The following CMYA5 variants were observed in gnomAD, a reference collection of about 807,000 sequenced individuals.
CMYA5 encodes the protein cardiomyopathy associated 5.
In CMYA5, 246 loss-of-function variants were observed where a neutral mutation model predicts 318.9. The observed-to-expected ratio is 0.77, with a 90% CI of 0.70 to 0.86. The LOEUF (loss-of-function observed/expected upper bound fraction) is 0.86, where lower values mean the gene tolerates loss of function less well. Ranked by LOEUF, CMYA5 falls within the 40% of genes least tolerant of loss-of-function variation. The pLI, the probability that CMYA5 is intolerant of heterozygous loss-of-function variation, is 0.00. For missense variants in CMYA5, 4,589 were observed against 4,678.2 expected, an observed-to-expected ratio of 0.98 and a Z score of 0.56; for synonymous variants, 1,641 against 1,729.5, an observed-to-expected ratio of 0.95 and a Z score of 1.27.
At chr5:79,723,332 G>T (rs147500202) in intron 1 of CMYA5, among the ~76,000 whole-genome samples, 2 of 151,844 alleles carry the variant, frequency 1.3e-5, no homozygotes, top group Admixed American at 1.3e-4. Flanking sequence ...CCAGCTACTC[G>T]GGAGGCTGAG....
Position 79,734,574 on chromosome 5 carries a change from G to A in CMYA5, c.5809G>A (p.Asp1937Asn), listed in dbSNP as rs539275731. The A allele has an allele frequency of 6.3e-5, 101 of 1,613,886 alleles. No homozygotes were observed. In the South Asian group the frequency reaches 1.0e-3, roughly 17 times the overall value. The change falls in exon 2 of 13, where the codon GAC (aspartate) becomes AAC (asparagine). Residue 1937 changes from aspartate to asparagine, a missense_variant. Coordinates refer to ENST00000446378, the MANE Select transcript of CMYA5 (RefSeq NM_153610.5). ...GQLKAAVSSKDHTCEVRKQVL... is the reference protein window; with the variant it reads ...GQLKAAVSSKNHTCEVRKQVL... ...GCTCAAGGCTGCTGTGTCCAGTAAG[G>A]ACCATACATGTGAAGTGAGAAAGCA...
chr5:79,738,232 C>G lies in CMYA5; in HGVS notation c.9467C>G (p.Pro3156Arg). 6.2e-7 allele frequency: 1 copy of G among 1,613,728 alleles called. No homozygotes were observed. The highest frequency in any genetic ancestry group is 1.1e-5 in the South Asian group (1 of 91,054). ...RDVDSKSPGM[P>R]LFEAEEGVLS... Reference sequence around the variant, plus strand: ...GTGGACTCAAAGTCACCGGGGATGCCTTTATTTGAAGCAGAGGAAGGAGTT... The same window carrying G: ...GTGGACTCAAAGTCACCGGGGATGCGTTTATTTGAAGCAGAGGAAGGAGTT... The change falls in exon 2 of 13, where the codon CCT becomes CGT. Residue 3156 changes from proline (P) to arginine (R), a missense_variant. Around this residue, in one of 3 missense-constraint regions of CMYA5, gnomAD observed 2,431 missense variants for 2,495.1 expected, o/e 0.97. Transcript: ENST00000446378.
At chr5:79,710,895 T>C (rs1194525257) in intron 1 of CMYA5, among the ~76,000 whole-genome samples, 1 of 152,202 alleles carries the variant, frequency 6.6e-6, no homozygotes, top group Non-Finnish European at 1.5e-5. Flanking sequence ...GAGAATCTTA[T>C]GGGAAATTCA....
chr5:79,786,317 G>A (rs1829080802), intron 9 of CMYA5, among the ~76,000 whole-genome samples: 1 of 152,216 alleles, frequency 6.6e-6, no homozygotes, highest in Non-Finnish European at 1.5e-5. Flanking sequence ...TTGCACTATG[G>A]CACTTGTAGG....
intron 1 of CMYA5, among the ~76,000 whole-genome samples, chr5:79,716,116 T>C (rs1286341374): frequency 1.3e-5 from 2 of 152,222 alleles, no homozygotes; most frequent in African/African-American, 4.8e-5. Context: ...TCAAGTGGTG[T>C]CCTTTAGTTC....
chr5:79,704,204 GAA>G (rs367695716), intron 1 of CMYA5, among the ~76,000 whole-genome samples: 2 of 139,756 alleles, frequency 1.4e-5, no homozygotes, highest in African/African-American at 2.6e-5. Context: ...TGGTGTCCAG[GAA>G]AAAAAAAAAA....
rs367809172 is a variant in CMYA5, at chr5:79,732,111, C to G, written c.3346C>G (p.Gln1116Glu). 1.9e-6 allele frequency: 3 copies of G among 1,613,956 alleles called. No individual in the cohort carries two copies. The highest frequency in any genetic ancestry group is 1.6e-4 in the Middle Eastern group (1 of 6,062). The change falls in exon 2 of 13, where the codon CAA (glutamine) becomes GAA (glutamate). Residue 1116 changes from glutamine to glutamate, a missense_variant. Transcript: ENST00000446378. ...YLILAQKQKTQAYLEPESEDL... is the reference protein window; with the variant it reads ...YLILAQKQKTEAYLEPESEDL... ...CATTTTGGCACAGAAGCAGAAAACT[C>G]AAGCATATTTAGAGCCTGAGTCTGA...
intron 1 of CMYA5, among the ~76,000 whole-genome samples, chr5:79,702,698 ACT>A (rs1298136083): frequency 6.6e-6 from 1 of 152,098 alleles, no homozygotes; most frequent in East Asian, 1.9e-4. Context: ...TGATTGCACA[ACT>A]CTGTAAATAT....
chr5:79,713,290 G>GCA (rs1288756096), intron 1 of CMYA5, among the ~76,000 whole-genome samples: 1 of 76,482 alleles, frequency 1.3e-5, no homozygotes, highest in African/African-American at 5.4e-5. Context: ...CCACCCCGCT[G>GCA]CACCCCGCCC....
At chr5:79,711,399 T>A (rs952605876) in intron 1 of CMYA5, among the ~76,000 whole-genome samples, 1 of 152,118 alleles carries the variant, frequency 6.6e-6, no homozygotes, top group Admixed American at 6.5e-5. Context: ...CCACTAAAGG[T>A]GGTACAGAGA....
At chr5:79,795,420 C>A (rs539540935) in intron 12 of CMYA5, among the ~76,000 whole-genome samples, 1 of 152,212 alleles carries the variant, frequency 6.6e-6, no homozygotes, top group African/African-American at 2.4e-5. Flanking sequence ...GGGAAGGAGG[C>A]GTGAAGATCA....
Position 79,791,493 on chromosome 5 carries a change from G to A in CMYA5, c.11789+424G>A, listed in dbSNP as rs576038019. On this transcript the variant is annotated intron_variant, in intron 11 of 12. Coordinates refer to ENST00000446378, the MANE Select transcript of CMYA5 (RefSeq NM_153610.5). ...CCCAGCACTTTGGGAGGCCAAGGCA[G>A]GCAGATCATTTGAGTTCAGGAGTTT... 8.8e-4 allele frequency among the ~76,000 whole-genome samples: 134 copies of A among 152,222 alleles called. 2 individuals carry two copies. The highest frequency in any genetic ancestry group is 3.1e-3 in the African/African-American group (129 of 41,516).
At chr5:79,790,482 G>A (rs1580808709) in intron 10 of CMYA5, among the ~76,000 whole-genome samples, 1 of 152,118 alleles carries the variant, frequency 6.6e-6, no homozygotes, top group Non-Finnish European at 1.5e-5. Context: ...TGTTGGCCAG[G>A]CTGGTCTCGA....
chr5:79,715,047 T>C lies in CMYA5; in HGVS notation c.150-13868T>C, dbSNP rs115304664. 3.6e-3 allele frequency among the ~76,000 whole-genome samples: 543 copies of C among 152,252 alleles called. 3 individuals are homozygous for C. Among genetic ancestry groups the C allele is most frequent in the African/African-American group, 0.013 (526 of 41,538 alleles). ...AATTAAGGGAGACTATGTAGATTAA[T>C]TTTTTATAACAAGAATGTTTTTATT... On this transcript the variant is annotated intron_variant, in intron 1 of 12. Coordinates refer to ENST00000446378, the MANE Select transcript of CMYA5 (RefSeq NM_153610.5).
In CMYA5 at chr5:79,732,188, G is replaced by C; in HGVS notation, c.3423G>C (p.Glu1141Asp). 2.5e-6 allele frequency: 4 copies of C among 1,613,886 alleles called. 1 individual carries two copies. The South Asian group carries it at 4.4e-5, about 18-fold the overall frequency. ...LTSEVEKGER[E>D]ASSSVAAIPA... ...GTGAAGTGGAGAAGGGAGAAAGGGA[G>C]GCAAGTTCATCAGTAGCTGCAATAC... The change falls in exon 2 of 13, where the codon GAG (glutamate) becomes GAC (aspartate). Residue 1141 changes from glutamate to aspartate, a missense_variant. Glu to Asp is a conservative substitution (Grantham distance 45). Coordinates refer to ENST00000446378, the MANE Select transcript of CMYA5 (RefSeq NM_153610.5).
chr5:79,739,553 A>T (rs1320273336), intron 2 of CMYA5, 150 bp downstream of exon 2: 3 of 681,940 alleles, frequency 4.4e-6, no homozygotes, highest in African/African-American at 3.7e-5. Context: ...TTTCTCCAAG[A>T]ATTTAGTTAA....
At chr5:79,753,859 T>C (rs1464882855) in intron 6 of CMYA5, among the ~76,000 whole-genome samples, 3 of 152,258 alleles carry the variant, frequency 2.0e-5, no homozygotes, top group Non-Finnish European at 4.4e-5. Context: ...TTTCTTGTAA[T>C]GTCTTTAAGA....
rs1827822655 is a variant in CMYA5, at chr5:79,729,378, A to G, written c.613A>G (p.Thr205Ala). ...KKTTSNTPPITGAIYKEHKPL... is the reference protein window; with the variant it reads ...KKTTSNTPPIAGAIYKEHKPL... ...GACCACTTCAAATACACCTCCGATT[A>G]CTGGGGCAATATACAAAGAACACAA... The change falls in exon 2 of 13, where the codon ACT becomes GCT. Residue 205 changes from threonine to alanine, a missense_variant. Physicochemically the swap from Thr to Ala is moderately conservative, Grantham distance 58. Around this residue, in one of 3 missense-constraint regions of CMYA5, gnomAD observed 2,132 missense variants for 2,131.3 expected, o/e 1.00. Coordinates refer to ENST00000446378, the MANE Select transcript of CMYA5 (RefSeq NM_153610.5). 6.2e-7 allele frequency: 1 copy of G among 1,613,714 alleles called. No individual in the cohort carries two copies. Among genetic ancestry groups the G allele is most frequent in the African/African-American group, 1.3e-5 (1 of 74,930 alleles).
rs112038326 is a variant in CMYA5 at position 79,729,467 on chromosome 5, G to A, written c.702G>A (p.Ser234=). 11,073 of 1,608,714 alleles carry A rather than the reference G, an allele frequency of 6.9e-3. 58 individuals are homozygous for A. Among genetic ancestry groups the A allele is most frequent in the Middle Eastern group, 0.014 (84 of 6,030 alleles). ...TVQYKIKMFN[S]VKEELIPLQF... ...AATATAAAATTAAGATGTTTAATTC[G>A]GTTAAAGAAGAATTAATTCCTCTAC... The change falls in exon 2 of 13, where the codon TCG becomes TCA. Residue 234 remains serine (S), a synonymous_variant. Transcript: ENST00000446378.
Sources: gnomAD v4.1 joint callset for allele counts (sites outside exome capture counted in the v4.1 genomes callset) on GRCh38, gnomAD v4.1.1 for gene constraint, gnomAD v4.1.1 regional missense constraint, MANE v1.5 for transcripts, NCBI Gene and HGNC (gene_info 2026-07-23, HGNC 2026-07-21) for gene names.